ECH1: variants seen among roughly 807,000 people sequenced by gnomAD.
ECH1 encodes enoyl-CoA hydratase 1.
ECH1 carries 30 observed loss-of-function variants against 37.0 expected under a neutral mutation model. The observed-to-expected ratio is 0.81, with a 90% CI of 0.61 to 1.10. The LOEUF (loss-of-function observed/expected upper bound fraction) is 1.10. ECH1 is among the 50% of genes least tolerant of loss of function. ECH1 has a pLI of 0.00. For synonymous variants in ECH1, 178 were observed against 176.0 expected (o/e 1.01, Z -0.09); for missense variants, 456 against 441.6 (o/e 1.03, Z -0.29).
rs1426913732 is a variant in ECH1 at position 38,815,595 on chromosome 19, C to A, written c.*18G>T. On this transcript the variant is annotated 3_prime_UTR_variant, in exon 10 of 10. Transcript: ENST00000221418. ...GACAAGGCCGGCCCCCTGGCTGGGGCCTGGGACGCGAGGGCTCTCAGAGCT... is the reference window on the plus strand; with the variant it reads ...GACAAGGCCGGCCCCCTGGCTGGGGACTGGGACGCGAGGGCTCTCAGAGCT... The A allele has an allele frequency of 6.2e-7, 1 of 1,613,156 alleles. No homozygotes were observed. The highest frequency in any genetic ancestry group is 8.5e-7 in the Non-Finnish European group (1 of 1,179,484).
At chr19:38,821,504 C>G (rs4801906) in intron 3 of ECH1, among the ~76,000 whole-genome samples, 1 of 152,040 alleles carries the variant, frequency 6.6e-6, no homozygotes, top group East Asian at 1.9e-4. Context: ...GAGGGAGAGG[C>G]GCGGGCGGGA....
At position 38,816,283 on chromosome 19, in the gene ECH1, C is replaced by A. The variant is rs759457343; in HGVS notation, c.731+1G>T. On this transcript the variant is annotated splice_donor_variant, in intron 8 of 9. Coordinates refer to ENST00000221418, the MANE Select transcript of ECH1 (RefSeq NM_001398.3). LOFTEE classifies it high-confidence loss of function. ...CTGAGCTACCACGGCCATGGCCCTA[C>A]CTGACCAGCCCACTGCCCAGGGCCT... 3 of 1,612,982 alleles carry A rather than the reference C, an allele frequency of 1.9e-6. No homozygotes were observed. The highest frequency in any genetic ancestry group is 2.5e-6 in the Non-Finnish European group (3 of 1,179,988).
intron 3 of ECH1, among the ~76,000 whole-genome samples, chr19:38,830,017 CGTG>C (rs1342719194): frequency 6.6e-6 from 1 of 151,756 alleles, no homozygotes; most frequent in African/African-American, 2.4e-5. Flanking sequence ...ATTAGCCGGG[CGTG>C]GTGGCGGGCA....
At chr19:38,818,840 A>C (rs1405611824) in intron 3 of ECH1, among the ~76,000 whole-genome samples, 1 of 151,992 alleles carries the variant, frequency 6.6e-6, no homozygotes, top group Non-Finnish European at 1.5e-5. Flanking sequence ...CGTCCTTGTC[A>C]TGACTACCCT....
At chr19:38,827,223 G>A (rs139313747) in intron 3 of ECH1, among the ~76,000 whole-genome samples, 53 of 152,288 alleles carry the variant, frequency 3.5e-4, no homozygotes, top group Non-Finnish European at 5.4e-4. Flanking sequence ...CCACTGAGTT[G>A]GGAACGCCAT....
chr19:38,815,687 G>C lies in ECH1; in HGVS notation c.913C>G (p.Gln305Glu). The change falls in exon 10 of 10, where the codon CAA becomes GAA. Residue 305 changes from glutamine to glutamate, a missense_variant. Gln to Glu is a conservative substitution (Grantham distance 29). Coordinates refer to ENST00000221418, the MANE Select transcript of ECH1 (RefSeq NM_001398.3). Reference protein sequence around the residue: ...ASWNMSMLQTQDLVKSVQATT... With the variant: ...ASWNMSMLQTEDLVKSVQATT... ...GCCTGGACCGACTTCACGAGGTCTT[G>C]GGTCTGCAGCATGCTCATGTTCCAG... 2 of 1,614,188 alleles carry C rather than the reference G, an allele frequency of 1.2e-6. No individual in the cohort carries two copies. The highest frequency in any genetic ancestry group is 1.7e-6 in the Non-Finnish European group (2 of 1,180,042).
chr19:38,819,168 T>G, intron 3 of ECH1: 2 of 985,258 alleles, frequency 2.0e-6, no homozygotes, highest in Non-Finnish European at 2.4e-6. Flanking sequence ...CAAGTGGAAA[T>G]AGGATCCAGA....
chr19:38,818,705 C>T (rs147614582), intron 3 of ECH1, among the ~76,000 whole-genome samples: 22,677 of 152,034 alleles, frequency 0.15, 1,818 homozygotes, highest in South Asian at 0.29. Flanking sequence ...CCAGGCTAGT[C>T]TCAAACTCCT....
intron 3 of ECH1, among the ~76,000 whole-genome samples, chr19:38,818,679 G>A (rs1353610912): frequency 6.6e-6 from 1 of 151,788 alleles, no homozygotes; most frequent in East Asian, 1.9e-4. Flanking sequence ...GTAGAGACGG[G>A]GTTTTGCCAT....
rs1448312983 is a variant in ECH1 at position 38,817,058 on chromosome 19, G to A, written c.588+7C>T. On this transcript the variant is annotated splice_region_variant and intron_variant, in intron 6 of 9. Transcript: ENST00000221418. ...GCTCTAAGCAGGAGCTCGGGAGGAT[G>A]ACTCACCTTCACCTGGAAGAAAGCA... is the stretch of plus-strand genomic sequence containing the variant. 6.4e-7 allele frequency: 1 copy of A among 1,566,716 alleles called. No homozygotes were observed. Among genetic ancestry groups the A allele is most frequent in the Admixed American group, 1.9e-5 (1 of 53,230 alleles).
At position 38,815,715 on chromosome 19, in the gene ECH1, C is replaced by T. The variant is rs1485284176; in HGVS notation, c.885G>A (p.Ala295=). 2 of 1,614,010 alleles carry T rather than the reference C, an allele frequency of 1.2e-6. No homozygotes were observed. Among genetic ancestry groups the T allele is most frequent in the Non-Finnish European group, 1.7e-6 (2 of 1,180,042 alleles). The change falls in exon 10 of 10, where the codon GCG becomes GCA. Residue 295 remains alanine, a splice_region_variant and synonymous_variant. Transcript: ENST00000221418. ...TCTGCAGCATGCTCATGTTCCAGGA[C>T]GCCTGGTACCGAGGGTGTTGAGAGA... ...HSVAESLNYV[A]SWNMSMLQTQ... is the part of the protein sequence containing the mutation.
intron 3 of ECH1, among the ~76,000 whole-genome samples, chr19:38,818,932 T>TGTGTGTGTGTGCGCGCGC (rs144733422): frequency 7.0e-6 from 1 of 142,752 alleles, no homozygotes; most frequent in African/African-American, 2.6e-5. Flanking sequence ...TGTGTGTGTG[T>TGTGTGTGTGTGCGCGCGC]GCACTGTTCC....
rs1366262021 is a variant in ECH1, at chr19:38,831,144, TG to T, written c.282del (p.Asn94LysfsTer13). ...CGACAGTCAGCGTCTCTCGAAATCT[TG>T]TTGAAGCACTCTACCATCTCTCTGT... ...VFWREMVECF[N>X]KISRDADCRA... On this transcript the variant is annotated frameshift_variant, in exon 3 of 10. Coordinates refer to ENST00000221418, the MANE Select transcript of ECH1 (RefSeq NM_001398.3). LOFTEE classifies it high-confidence loss of function. The T allele has an allele frequency of 2.5e-6, 4 of 1,613,944 alleles. No homozygotes were observed. The African/African-American group carries it at 5.3e-5, about 22-fold the overall frequency.
At chr19:38,826,087 A>C (rs1414912839) in intron 3 of ECH1, among the ~76,000 whole-genome samples, 2 of 152,218 alleles carry the variant, frequency 1.3e-5, no homozygotes, top group Non-Finnish European at 2.9e-5. Context: ...GCCTGTAACC[A>C]GGTATTTCTC....
chr19:38,818,721 T>C (rs1278844206), intron 3 of ECH1, among the ~76,000 whole-genome samples: 4 of 151,936 alleles, frequency 2.6e-5, no homozygotes, highest in Non-Finnish European at 4.4e-5. Flanking sequence ...CTCCTGACCT[T>C]GTGATCCACC....
At chr19:38,827,123 G>A (rs1330323114) in intron 3 of ECH1, among the ~76,000 whole-genome samples, 1 of 142,694 alleles carries the variant, frequency 7.0e-6, no homozygotes, top group African/African-American at 2.6e-5. Context: ...AGGGAGGGAG[G>A]GGAGGGAGAA....
intron 3 of ECH1, among the ~76,000 whole-genome samples, chr19:38,830,737 G>A (rs950130972): frequency 7.9e-5 from 12 of 151,990 alleles, no homozygotes; most frequent in African/African-American, 2.2e-4. Context: ...CACTTTGGGA[G>A]GCTGAGGCAG....
At chr19:38,830,980 G>GTCAGAAGCTGCTTAAAACCCTAAT in intron 3 of ECH1, 98 bp downstream of exon 3, 1 of 1,033,976 alleles carries the variant, frequency 9.7e-7, no homozygotes. Context: ...AAGTGTGTAA[G>GTCAGAAGCTGCTTAAAACCCTAAT]TCAGAAGCTG....
At chr19:38,822,543 C>G (rs938536426) in intron 3 of ECH1, among the ~76,000 whole-genome samples, 1 of 152,018 alleles carries the variant, frequency 6.6e-6, no homozygotes, top group African/African-American at 2.4e-5. Flanking sequence ...TGTAAATACA[C>G]CAATCAGCAC....
Sources: allele counts gnomAD v4.1 joint callset (sites outside exome capture counted in the v4.1 genomes callset), GRCh38; gene constraint gnomAD v4.1.1; transcripts MANE v1.5; gene names NCBI Gene and HGNC (gene_info 2026-07-23, HGNC 2026-07-21).